The following FRYL variants were observed in gnomAD, a reference collection of about 807,000 sequenced individuals.
The protein encoded by FRYL is FRY like transcription coactivator.
FRYL carries 150 observed loss-of-function variants against 351.2 expected under a neutral mutation model. The observed-to-expected ratio is 0.43, with a 90% CI of 0.37 to 0.49. The LOEUF is 0.49. FRYL is among the 20% of genes least tolerant of loss of function. The probability of loss-of-function intolerance (pLI) is 0.00; values close to 1 mark genes in which losing one functional copy is unlikely to be tolerated. For synonymous variants in FRYL, 1,153 were observed against 1,257.1 expected (o/e 0.92, Z 1.75); for missense variants, 3,036 against 3,619.3 (o/e 0.84, Z 4.13).
At position 48,595,883 on chromosome 4, in the gene FRYL, G is replaced by A; in HGVS notation, c.1139+14C>T. On this transcript the variant is annotated intron_variant, in intron 14 of 63. Coordinates refer to ENST00000358350, the MANE Select transcript of FRYL (RefSeq NM_015030.2). ...GAATTTATTTTTAATGCACTTTAAA[G>A]CAAAGATACTCACCTTTGAGTTACA... 1 of 1,484,388 alleles carries A rather than the reference G, an allele frequency of 6.7e-7. No homozygotes were observed. The highest frequency in any genetic ancestry group is 9.2e-7 in the Non-Finnish European group (1 of 1,084,644). 92.0% of individuals were successfully genotyped at this position (1,484,388 alleles called of 1,614,324 possible).
chr4:48,506,866 C>T (rs1012914040), intron 59 of FRYL, among the ~76,000 whole-genome samples: 26 of 151,828 alleles, frequency 1.7e-4, no homozygotes, highest in Admixed American at 1.7e-3. Flanking sequence ...TCTCAGATTT[C>T]ACCGGCCCTT....
At chr4:48,779,824 G>A (rs1199461895) in intron 1 of FRYL, among the ~76,000 whole-genome samples, 7 of 150,744 alleles carry the variant, frequency 4.6e-5, no homozygotes, top group Middle Eastern at 3.5e-3. Flanking sequence ...GCCGGAGCTC[G>A]GGCGGGCTTT....
intron 3 of FRYL, among the ~76,000 whole-genome samples, chr4:48,645,240 TAAAA>T (rs1414751452): frequency 4.0e-5 from 6 of 149,638 alleles, no homozygotes; most frequent in African/African-American, 1.5e-4. Flanking sequence ...ACAGCGCTGA[TAAAA>T]AGGTAATGCC....
chr4:48,574,866 T>C (rs1739251247), intron 25 of FRYL, among the ~76,000 whole-genome samples: 1 of 152,196 alleles, frequency 6.6e-6, no homozygotes, highest in South Asian at 2.1e-4. Context: ...TCATTATTTC[T>C]AGAACATATA....
Position 48,557,120 on chromosome 4 carries a change from TAGATGCAATATGCACA to T in FRYL, c.4126-18_4126-3del. ...CGACCAGGCCAGTTCATCGCCATACTAGATGCAATATGCACAAAAGATACTTCAGTCATGACTGCCT... is the reference window on the plus strand; with the variant it reads ...CGACCAGGCCAGTTCATCGCCATACTAAAGATACTTCAGTCATGACTGCCT... On this transcript the variant is annotated splice_region_variant and splice_polypyrimidine_tract_variant and intron_variant, in intron 34 of 63. Transcript: ENST00000358350. The T allele has an allele frequency of 6.3e-7, 1 of 1,575,816 alleles. No homozygotes were observed. The highest frequency in any genetic ancestry group is 8.7e-7 in the Non-Finnish European group (1 of 1,155,796).
chr4:48,556,811 T>A (rs1216209264), intron 35 of FRYL, among the ~76,000 whole-genome samples, 167 bp downstream of exon 35: 4 of 152,136 alleles, frequency 2.6e-5, no homozygotes, highest in African/African-American at 9.7e-5. Context: ...AGATAACATT[T>A]GCTAACTGAA....
Position 48,551,556 on chromosome 4 carries a change from T to A in FRYL, c.4458A>T (p.Thr1486=). Residue 1486 remains threonine (T), a synonymous_variant, in exon 37 of 64, where the codon ACA becomes ACT. Coordinates refer to ENST00000358350, the MANE Select transcript of FRYL (RefSeq NM_015030.2). The part of the protein sequence containing the change: ...VTSGTTSSSN[T]MVAPTDGNPD... ...GATTGCCATCTGTGGGAGCTACCAT[T>A]GTATTGCTACTGGAAGTAGTTCCTG... 6.2e-7 allele frequency: 1 copy of A among 1,611,156 alleles called. No individual in the cohort carries two copies. Among genetic ancestry groups the A allele is most frequent in the Non-Finnish European group, 8.5e-7 (1 of 1,177,684 alleles).
chr4:48,667,898 C>G (rs1762020058), intron 3 of FRYL, among the ~76,000 whole-genome samples: 1 of 152,212 alleles, frequency 6.6e-6, no homozygotes, highest in Non-Finnish European at 1.5e-5. Flanking sequence ...TCCACCCACC[C>G]TGGCTTCCCA....
intron 7 of FRYL, among the ~76,000 whole-genome samples, chr4:48,613,307 G>C (rs1328478218): frequency 2.0e-5 from 3 of 152,000 alleles, no homozygotes; most frequent in Non-Finnish European, 4.4e-5. Flanking sequence ...TTGGATTTGG[G>C]GACATTTCAG....
intron 1 of FRYL, among the ~76,000 whole-genome samples, chr4:48,722,465 T>G (rs1769594590): frequency 6.6e-6 from 1 of 152,188 alleles, no homozygotes; most frequent in Non-Finnish European, 1.5e-5. Flanking sequence ...CCATAATTTA[T>G]ATTAATAGCA....
At chr4:48,688,152 G>A (rs745500579) in intron 2 of FRYL, among the ~76,000 whole-genome samples, 1 of 152,090 alleles carries the variant, frequency 6.6e-6, no homozygotes, top group Non-Finnish European at 1.5e-5. Context: ...GCTAGAAACC[G>A]CACTTTAAGA....
intron 1 of FRYL, among the ~76,000 whole-genome samples, chr4:48,759,206 T>C (rs528270092): frequency 6.6e-6 from 1 of 152,142 alleles, no homozygotes; most frequent in East Asian, 1.9e-4. Flanking sequence ...ATTGTGCACA[T>C]GTACTATAGA....
At position 48,606,438 on chromosome 4, in the gene FRYL, C is replaced by A; in HGVS notation, c.741G>T (p.Gln247His). The part of the protein sequence containing the change: ...EDFEASFQFM[Q>H]ECAQYFLEVK... ...TACTGTCATTTAGAAGGTATATCAC[C>A]TGCATAAATTGAAATGATGCTTCAA... Residue 247 changes from glutamine to histidine, a missense_variant and splice_region_variant, in exon 10 of 64, where the codon CAG (glutamine) becomes CAT (histidine). Physicochemically the swap from Gln to His is conservative, Grantham distance 24. Around this residue, in one of 7 missense-constraint regions of FRYL, gnomAD observed 457 missense variants for 566.6 expected, o/e 0.81. Transcript: ENST00000358350. 6.2e-7 allele frequency: 1 copy of A among 1,603,076 alleles called. No individual in the cohort carries two copies. Among genetic ancestry groups the A allele is most frequent in the South Asian group, 1.1e-5 (1 of 90,360 alleles).
At chr4:48,548,110 C>T (rs1455782392) in intron 40 of FRYL, among the ~76,000 whole-genome samples, 3 of 151,516 alleles carry the variant, frequency 2.0e-5, no homozygotes, top group Non-Finnish European at 4.4e-5. Context: ...ACAGAAAGTA[C>T]ATGATTAACT....
At chr4:48,550,386 A>G (rs964650211) in intron 38 of FRYL, 2 of 541,298 alleles carry the variant, frequency 3.7e-6, no homozygotes, top group African/African-American at 1.9e-5. Context: ...ATTTATCTAT[A>G]GGAAACCAGT....
intron 3 of FRYL, among the ~76,000 whole-genome samples, chr4:48,676,703 C>CT (rs1400001751): frequency 1.3e-5 from 2 of 152,166 alleles, no homozygotes; most frequent in African/African-American, 2.4e-5. Flanking sequence ...GTTTCAATTT[C>CT]TTTAAAGTGA....
intron 4 of FRYL, among the ~76,000 whole-genome samples, chr4:48,631,998 A>C (rs1753062380): frequency 7.7e-6 from 1 of 129,124 alleles, no homozygotes. Flanking sequence ...GGTTGCAGTG[A>C]GCCAAAATTG....
chr4:48,643,908 T>G (rs2149402406), intron 3 of FRYL, among the ~76,000 whole-genome samples: 1 of 152,264 alleles, frequency 6.6e-6, no homozygotes, highest in African/African-American at 2.4e-5. Context: ...GTGTCAATTT[T>G]CATAAAATTA....
At chr4:48,556,186 C>T (rs898472975) in intron 35 of FRYL, among the ~76,000 whole-genome samples, 2 of 152,230 alleles carry the variant, frequency 1.3e-5, no homozygotes, top group Non-Finnish European at 2.9e-5. Context: ...TGAGCCACTG[C>T]GCCTGGCCTG....
Sources: gnomAD v4.1 joint callset for allele counts (sites outside exome capture counted in the v4.1 genomes callset) on GRCh38, gnomAD v4.1.1 for gene constraint, gnomAD v4.1.1 regional missense constraint, MANE v1.5 for transcripts, NCBI Gene and HGNC (gene_info 2026-07-23, HGNC 2026-07-21) for gene names.